MAML2: variants seen among roughly 807,000 people sequenced by gnomAD.
The protein encoded by MAML2 is mastermind like transcriptional coactivator 2.
MAML2 carries 22 observed loss-of-function variants against 96.1 expected under a neutral mutation model. That is an observed-to-expected ratio of 0.23 (90% CI 0.16 to 0.33). The LOEUF (loss-of-function observed/expected upper bound fraction) is 0.33. Ranked by LOEUF, MAML2 falls within the 10% of genes least tolerant of loss-of-function variation. The pLI is 1.00. For synonymous variants in MAML2, 561 were observed against 521.3 expected, an observed-to-expected ratio of 1.08 and a Z score of -1.04; for missense variants, 1,367 against 1,392.4, an observed-to-expected ratio of 0.98 and a Z score of 0.29.
intron 2 of MAML2, among the ~76,000 whole-genome samples, chr11:96,024,799 C>T (rs1858490713): frequency 6.6e-6 from 1 of 152,168 alleles, no homozygotes; most frequent in Non-Finnish European, 1.5e-5. Flanking sequence ...GCCTAGACTG[C>T]CCTGCCACTC....
At position 96,069,937 on chromosome 11, in the gene MAML2, T is replaced by G. The variant is rs540781143; in HGVS notation, c.2139+21955A>C. On this transcript the variant is annotated intron_variant, in intron 2 of 4. Transcript: ENST00000524717. ...ACTTAGGAGGCTGAGGCAGGAGGAA[T>G]CACTTGAACCTGAGAGGCGGAGGTT... 8.2e-5 allele frequency among the ~76,000 whole-genome samples: 12 copies of G among 147,154 alleles called. No homozygotes were observed. The East Asian group carries it at 2.5e-3, about 30-fold the overall frequency.
At chr11:96,296,796 C>T (rs930703311) in intron 1 of MAML2, among the ~76,000 whole-genome samples, 1 of 152,160 alleles carries the variant, frequency 6.6e-6, no homozygotes, top group Non-Finnish European at 1.5e-5. Context: ...AAAAAGAGTT[C>T]TTTGGGTTGG....
intron 1 of MAML2, among the ~76,000 whole-genome samples, chr11:96,126,823 G>A (rs1370276183): frequency 1.3e-5 from 2 of 152,188 alleles, no homozygotes; most frequent in African/African-American, 4.8e-5. Flanking sequence ...TGGACACCTT[G>A]CTAGGCCCTT....
At chr11:96,197,915 A>G (rs372807217) in intron 1 of MAML2, among the ~76,000 whole-genome samples, 10 of 152,232 alleles carry the variant, frequency 6.6e-5, no homozygotes, top group African/African-American at 2.4e-4. Context: ...GTGTTCTAAA[A>G]GAGGGAACAA....
intron 2 of MAML2, among the ~76,000 whole-genome samples, chr11:96,060,105 G>T (rs1282501051): frequency 6.6e-6 from 1 of 152,194 alleles, no homozygotes; most frequent in Non-Finnish European, 1.5e-5. Context: ...AAGGCATGAA[G>T]GAATAAGAGC....
intron 1 of MAML2, among the ~76,000 whole-genome samples, chr11:96,255,302 T>C (rs1265892227): frequency 1.3e-5 from 2 of 152,268 alleles, no homozygotes; most frequent in Admixed American, 6.5e-5. Context: ...TCATATTGAT[T>C]GAATGCTGAT....
At chr11:96,333,305 A>G (rs961680371) in intron 1 of MAML2, among the ~76,000 whole-genome samples, 2 of 152,116 alleles carry the variant, frequency 1.3e-5, no homozygotes, top group Non-Finnish European at 2.9e-5. Flanking sequence ...AAGCATTATT[A>G]TCCTCAAGAA....
rs1041358394 is a variant in MAML2 at position 96,269,044 on chromosome 11, A to G, written c.513+72339T>C. 8.3e-5 allele frequency among the ~76,000 whole-genome samples: 12 copies of G among 145,342 alleles called. 2 individuals are homozygous for G. Among genetic ancestry groups the G allele is most frequent in the African/African-American group, 2.9e-4 (11 of 38,078 alleles). On this transcript the variant is annotated intron_variant, in intron 1 of 4. Transcript: ENST00000524717. The stretch of plus-strand genomic sequence containing the variant: ...AACATACTCAGAAAGTTATGAAACA[A>G]TATAATGTTGGCATCATAATCCACT...
At chr11:96,042,009 C>T (rs1369979895) in intron 2 of MAML2, among the ~76,000 whole-genome samples, 1 of 145,546 alleles carries the variant, frequency 6.9e-6, no homozygotes, top group East Asian at 2.0e-4. Flanking sequence ...CAGAGTCTTG[C>T]TCTGTTGCCC....
intron 1 of MAML2, among the ~76,000 whole-genome samples, chr11:96,188,521 C>T (rs2135918574): frequency 6.6e-6 from 1 of 152,300 alleles, no homozygotes; most frequent in Non-Finnish European, 1.5e-5. Context: ...AAGAGAAAGC[C>T]TGTATGTCCC....
intron 1 of MAML2, among the ~76,000 whole-genome samples, chr11:96,219,375 A>G (rs1436186792): frequency 1.3e-5 from 2 of 152,212 alleles, no homozygotes; most frequent in African/African-American, 4.8e-5. Context: ...CACCTCGGGC[A>G]TGAGTTCTTT....
intron 1 of MAML2, among the ~76,000 whole-genome samples, chr11:96,094,966 A>G (rs1174024585): frequency 1.3e-5 from 2 of 152,212 alleles, no homozygotes; most frequent in African/African-American, 2.4e-5. Context: ...CAAACACTTG[A>G]ATATGGTTAC....
At chr11:96,242,338 T>A (rs971424535) in intron 1 of MAML2, among the ~76,000 whole-genome samples, 5 of 152,162 alleles carry the variant, frequency 3.3e-5, no homozygotes, top group African/African-American at 7.2e-5. Flanking sequence ...CTAGGGATTT[T>A]AAAAAAATGC....
At chr11:96,026,614 T>A (rs1858523719) in intron 2 of MAML2, among the ~76,000 whole-genome samples, 2 of 152,080 alleles carry the variant, frequency 1.3e-5, no homozygotes, top group Admixed American at 1.3e-4. Context: ...CTCTACAGGG[T>A]TTCCTTTTCA....
chr11:96,072,983 T>C (rs917107843), intron 2 of MAML2, among the ~76,000 whole-genome samples: 2 of 152,174 alleles, frequency 1.3e-5, no homozygotes, highest in Non-Finnish European at 2.9e-5. Flanking sequence ...GCTCAAACTA[T>C]TGATAATCAT....
At chr11:96,258,656 A>G (rs1377768964) in intron 1 of MAML2, among the ~76,000 whole-genome samples, 1 of 152,222 alleles carries the variant, frequency 6.6e-6, no homozygotes, top group Non-Finnish European at 1.5e-5. Context: ...GGTCTAAGCC[A>G]GTGTGCTTAG....
chr11:96,274,378 G>A (rs1270009671), intron 1 of MAML2, among the ~76,000 whole-genome samples: 1 of 151,860 alleles, frequency 6.6e-6, no homozygotes, highest in Non-Finnish European at 1.5e-5. Context: ...CACCGCACCT[G>A]GCCCCTACTT....
At chr11:96,100,106 G>C (rs996214932) in intron 1 of MAML2, among the ~76,000 whole-genome samples, 3 of 152,202 alleles carry the variant, frequency 2.0e-5, no homozygotes, top group Non-Finnish European at 2.9e-5. Context: ...GGACTGCAAA[G>C]CTGGGATGCA....
At chr11:96,014,922 T>C (rs977702453) in intron 2 of MAML2, among the ~76,000 whole-genome samples, 4 of 152,216 alleles carry the variant, frequency 2.6e-5, no homozygotes, top group Non-Finnish European at 5.9e-5. Flanking sequence ...ATAGCTATCA[T>C]GTGTTGGACA....
Sources: gnomAD v4.1 joint callset for allele counts (sites outside exome capture counted in the v4.1 genomes callset) on GRCh38, gnomAD v4.1.1 for gene constraint, MANE v1.5 for transcripts, NCBI Gene and HGNC (gene_info 2026-07-23, HGNC 2026-07-21) for gene names.